SNX29: variants seen among roughly 807,000 people sequenced by gnomAD.
The protein encoded by SNX29 is sorting nexin-29.
SNX29 carries 78 observed loss-of-function variants against 102.1 expected under a neutral mutation model. The ratio of observed to expected loss-of-function variants is 0.76; its 90% CI spans 0.64 to 0.92. The LOEUF (loss-of-function observed/expected upper bound fraction) is 0.92, where lower values mean the gene tolerates loss of function less well. Ranked by LOEUF, SNX29 falls within the 40% of genes least tolerant of loss-of-function variation. The probability of loss-of-function intolerance (pLI) is 0.00; values close to 1 mark genes in which losing one functional copy is unlikely to be tolerated. For missense variants in SNX29, 1,280 were observed against 1,061.7 expected (o/e 1.21, Z -2.86); for synonymous variants, 580 against 414.5 (o/e 1.40, Z -4.85).
rs77011470 is a variant in SNX29, at chr16:12,132,680, T to G, written c.1595+2922T>G. 8.2e-3 allele frequency among the ~76,000 whole-genome samples: 1,243 copies of G among 152,322 alleles called. 17 individuals are homozygous for G. The highest frequency in any genetic ancestry group is 0.029 in the African/African-American group (1,185 of 41,564). The stretch of plus-strand genomic sequence containing the variant: ...CAATTGTTGGGAAAATTTTATCCCA[T>G]AGATGGGGTAGATAAAATCAATGTC... On this transcript the variant is annotated intron_variant, in intron 13 of 20. Coordinates refer to ENST00000566228, the MANE Select transcript of SNX29 (RefSeq NM_032167.5).
At chr16:12,556,883 C>G (rs969863539) in intron 20 of SNX29, among the ~76,000 whole-genome samples, 1,694 of 151,806 alleles carry the variant, frequency 0.011, 26 homozygotes, top group African/African-American at 0.039. Context: ...GATAGGGTCT[C>G]CGTCTGTCTC....
chr16:12,289,774 C>T (rs989188836), intron 15 of SNX29, among the ~76,000 whole-genome samples: 4 of 152,136 alleles, frequency 2.6e-5, no homozygotes, highest in African/African-American at 9.7e-5. Context: ...TTATATTTGC[C>T]TTCCTCTTTG....
In SNX29 at chr16:12,316,776, C is replaced by A. The variant is rs2080759641; in HGVS notation, c.1782+38740C>A. ...CTCTGCATCCTCTTCCCTCCTGGCT[C>A]TTTCTGCAGCCCTCCCAGGGATGGA... On this transcript the variant is annotated intron_variant, in intron 15 of 20. Transcript: ENST00000566228. Among the ~76,000 whole-genome samples, 10 of 152,330 alleles carry A rather than the reference C, an allele frequency of 6.6e-5. No individual in the cohort carries two copies. The South Asian group carries it at 2.1e-3, about 32-fold the overall frequency.
At chr16:12,552,917 C>G (rs1290953278) in intron 20 of SNX29, among the ~76,000 whole-genome samples, 4 of 152,224 alleles carry the variant, frequency 2.6e-5, no homozygotes, top group African/African-American at 4.8e-5. Flanking sequence ...GGCAGCAGAG[C>G]TGATTGCTCC....
At position 12,569,122 on chromosome 16, in the gene SNX29, CGGGGGGGGGGG is replaced by C. The variant is rs869133814; in HGVS notation, c.*504_*514del. 7 of 6,130 alleles carry C rather than the reference CGGGGGGGGGGG, an allele frequency of 1.1e-3. No individual in the cohort carries two copies. The highest frequency in any genetic ancestry group is 4.1e-3 in the East Asian group (2 of 490). The allele number at this position is 6,130 out of a possible 1,614,324, so 0.4% of individuals were successfully genotyped here. The stretch of plus-strand genomic sequence containing the variant: ...CCTAACCTAGGGATGGCTGGCTTTG[CGGGGGGGGGGG>C]GGGGGGGGGGCATGGTTCCTTTCAC... On this transcript the variant is annotated 3_prime_UTR_variant, in exon 21 of 21. Coordinates refer to ENST00000566228, the MANE Select transcript of SNX29 (RefSeq NM_032167.5).
intron 18 of SNX29, among the ~76,000 whole-genome samples, chr16:12,461,979 ATATATATAT>A (rs1197804773): frequency 4.0e-3 from 112 of 27,770 alleles, no homozygotes; most frequent in South Asian, 9.3e-3. Context: ...AAAAAAAAAA[ATATATATAT>A]ATATATATAT....
intron 19 of SNX29, among the ~76,000 whole-genome samples, chr16:12,499,436 A>G (rs1303235303): frequency 6.6e-6 from 1 of 152,186 alleles, no homozygotes; most frequent in Admixed American, 6.5e-5. Flanking sequence ...CAGATTCTCA[A>G]GGCAAGTGGT....
At chr16:12,135,171 C>T (rs2054614491) in intron 13 of SNX29, among the ~76,000 whole-genome samples, 1 of 152,240 alleles carries the variant, frequency 6.6e-6, no homozygotes, top group Non-Finnish European at 1.5e-5. Flanking sequence ...CCATTTGTTT[C>T]ACTCAGTCCA....
chr16:12,561,313 G>C (rs1273781652), intron 20 of SNX29, among the ~76,000 whole-genome samples: 3 of 152,118 alleles, frequency 2.0e-5, no homozygotes, highest in Admixed American at 6.5e-5. Flanking sequence ...TCACATCCTG[G>C]AGGCAGAACT....
intron 13 of SNX29, among the ~76,000 whole-genome samples, chr16:12,142,906 G>A (rs1021975783): frequency 3.3e-5 from 5 of 151,946 alleles, no homozygotes; most frequent in South Asian, 2.1e-4. Context: ...TTACTGTTCC[G>A]TGTGAAGCTT....
chr16:12,397,902 A>C (rs1263367009), intron 16 of SNX29, among the ~76,000 whole-genome samples: 4 of 152,112 alleles, frequency 2.6e-5, no homozygotes, highest in Non-Finnish European at 5.9e-5. Context: ...CCACCATGCC[A>C]CACAGTTTAG....
Position 12,031,578 on chromosome 16 carries a change from G to A in SNX29, c.247+4134G>A, listed in dbSNP as rs370983425. Among the ~76,000 whole-genome samples the A allele has an allele frequency of 3.8e-4, 57 of 151,368 alleles. No homozygotes were observed. The South Asian group carries it at 0.011, about 29-fold the overall frequency. The stretch of plus-strand genomic sequence containing the variant: ...TCCCAGCACTTTGGGAGGCTGAGGC[G>A]GGCGGATCATGAGGTCAGGAAATCG... On this transcript the variant is annotated intron_variant, in intron 4 of 20. Transcript: ENST00000566228.
At chr16:12,003,602 A>G (rs890120883) in intron 3 of SNX29, among the ~76,000 whole-genome samples, 3 of 152,204 alleles carry the variant, frequency 2.0e-5, no homozygotes, top group Admixed American at 6.5e-5. Context: ...GCCAGAACAC[A>G]CCGAAACGTG....
chr16:12,524,803 C>A lies in SNX29; in HGVS notation c.2280C>A (p.Pro760=), dbSNP rs190350914. ...IQMVPEFAAS[P]KKETLIQLMP... Reference sequence around the variant, plus strand: ...TGGTCCCCGAGTTCGCTGCCAGCCCCAAGAAGGAGACCCTCATCCAGCTGA... The same window carrying A: ...TGGTCCCCGAGTTCGCTGCCAGCCCAAAGAAGGAGACCCTCATCCAGCTGA... The change falls in exon 20 of 21, where the codon CCC becomes CCA. Residue 760 remains proline, a synonymous_variant. Coordinates refer to ENST00000566228, the MANE Select transcript of SNX29 (RefSeq NM_032167.5). 1.1e-4 allele frequency: 178 copies of A among 1,613,686 alleles called. No homozygotes were observed. The East Asian group carries it at 3.6e-3, about 33-fold the overall frequency.
intron 18 of SNX29, among the ~76,000 whole-genome samples, chr16:12,434,668 A>C (rs2151641765): frequency 6.6e-6 from 1 of 152,296 alleles, no homozygotes; most frequent in Non-Finnish European, 1.5e-5. Context: ...ACACCCCTGC[A>C]CAACGGCTGG....
At chr16:12,124,540 G>T (rs1234461593) in intron 11 of SNX29, among the ~76,000 whole-genome samples, 1 of 152,136 alleles carries the variant, frequency 6.6e-6, no homozygotes, top group Non-Finnish European at 1.5e-5. Context: ...TGTTAAGAAA[G>T]ATGGCATATA....
At chr16:12,224,330 G>C (rs1033162160) in intron 14 of SNX29, among the ~76,000 whole-genome samples, 1 of 151,354 alleles carries the variant, frequency 6.6e-6, no homozygotes, top group Non-Finnish European at 1.5e-5. Flanking sequence ...TGCTTTCTCC[G>C]ACAACTGTTT....
intron 19 of SNX29, among the ~76,000 whole-genome samples, chr16:12,519,754 C>T (rs1423742456): frequency 5.9e-5 from 9 of 151,996 alleles, no homozygotes; most frequent in East Asian, 1.9e-4. Flanking sequence ...TTTGGGAGGC[C>T]GAGGCAGGTG....
At chr16:12,206,817 T>G (rs2077056073) in intron 14 of SNX29, among the ~76,000 whole-genome samples, 1 of 149,984 alleles carries the variant, frequency 6.7e-6, no homozygotes, top group African/African-American at 2.4e-5. Flanking sequence ...TGAGGTGGTT[T>G]TTTTTTTTTT....
Sources: gnomAD v4.1 joint callset for allele counts (sites outside exome capture counted in the v4.1 genomes callset) on GRCh38, gnomAD v4.1.1 for gene constraint, MANE v1.5 for transcripts, NCBI Gene and HGNC (gene_info 2026-07-23, HGNC 2026-07-21) for gene names.